The following CDKAL1 variants were observed in gnomAD, a reference collection of about 807,000 sequenced individuals.
The protein encoded by CDKAL1 is threonylcarbamoyladenosine tRNA methylthiotransferase.
In CDKAL1, 32 loss-of-function variants were observed where a neutral mutation model predicts 68.2. The observed-to-expected ratio is 0.47, with a 90% confidence interval of 0.35 to 0.63. The LOEUF (loss-of-function observed/expected upper bound fraction) is 0.63, where lower values mean the gene tolerates loss of function less well. Ranked by LOEUF, CDKAL1 falls within the 30% of genes least tolerant of loss-of-function variation. CDKAL1 has a pLI of 0.00. For missense variants in CDKAL1, 606 were observed against 696.7 expected (o/e 0.87, Z 1.47); for synonymous variants, 234 against 244.3 (o/e 0.96, Z 0.39).
intron 10 of CDKAL1, among the ~76,000 whole-genome samples, chr6:20,980,352 C>T (rs2150772720): frequency 6.6e-6 from 1 of 152,228 alleles, no homozygotes; most frequent in East Asian, 1.9e-4. Flanking sequence ...ATTCTCCTGC[C>T]TCAGCCTCCA....
chr6:20,921,092 C>T (rs535216376), intron 9 of CDKAL1, among the ~76,000 whole-genome samples: 74 of 152,158 alleles, frequency 4.9e-4, no homozygotes, highest in Middle Eastern at 3.4e-3. Flanking sequence ...ATCTTTGAGC[C>T]GTACACACCC....
At chr6:21,122,507 T>C (rs1407425813) in intron 13 of CDKAL1, among the ~76,000 whole-genome samples, 1 of 152,228 alleles carries the variant, frequency 6.6e-6, no homozygotes, top group Non-Finnish European at 1.5e-5. Context: ...CTTGGCTTTA[T>C]AGACTTTGCT....
chr6:20,726,543 A>G (rs1004324031), intron 5 of CDKAL1, among the ~76,000 whole-genome samples: 1 of 152,236 alleles, frequency 6.6e-6, no homozygotes, highest in Non-Finnish European at 1.5e-5. Flanking sequence ...ACACAAAAAT[A>G]CCATTGAACC....
chr6:20,970,505 T>G (rs767257264), intron 10 of CDKAL1, among the ~76,000 whole-genome samples: 4 of 152,176 alleles, frequency 2.6e-5, no homozygotes, highest in African/African-American at 4.8e-5. Flanking sequence ...CAATAAAAAT[T>G]TATGCCTGAA....
intron 12 of CDKAL1, among the ~76,000 whole-genome samples, 170 bp downstream of exon 12, chr6:21,065,398 C>T (rs1329119718): frequency 6.6e-6 from 1 of 151,954 alleles, no homozygotes; most frequent in African/African-American, 2.4e-5. Context: ...GTTAAATGAC[C>T]TTAGGCAACT....
intron 7 of CDKAL1, among the ~76,000 whole-genome samples, chr6:20,779,212 T>C (rs1314701590): frequency 6.6e-6 from 1 of 152,252 alleles, no homozygotes; most frequent in Non-Finnish European, 1.5e-5. Flanking sequence ...ATGGTATGAC[T>C]GCTTTCGTAA....
intron 15 of CDKAL1, among the ~76,000 whole-genome samples, chr6:21,223,547 A>T (rs1339991730): frequency 6.6e-6 from 1 of 152,182 alleles, no homozygotes; most frequent in Non-Finnish European, 1.5e-5. Context: ...AATATTTTGT[A>T]TGAGAAGGAA....
Position 20,756,899 on chromosome 6 carries a change from CCTTCCTT to C in CDKAL1, c.469-1694_469-1688del, listed in dbSNP as rs1203180866. On this transcript the variant is annotated intron_variant, in intron 6 of 15. Coordinates refer to ENST00000274695, the MANE Select transcript of CDKAL1 (RefSeq NM_017774.3). Reference sequence around the variant, plus strand: ...TCCTTCCTTCCTTCCTTCCTTCCTTCCTTCCTTCCTTCCTTCCTTCCTTCCCTCCTTC... The same window carrying C: ...TCCTTCCTTCCTTCCTTCCTTCCTTCCCTTCCTTCCTTCCTTCCCTCCTTC... The C allele has an allele frequency of 1.7e-4, 18 of 103,640 alleles. 1 individual carries two copies. Among genetic ancestry groups the C allele is most frequent in the African/African-American group, 3.9e-4 (11 of 27,958 alleles). The allele number at this position is 103,640 out of a possible 1,614,324, so 6.4% of individuals were successfully genotyped here.
At chr6:20,944,676 G>A (rs539001737) in intron 9 of CDKAL1, among the ~76,000 whole-genome samples, 3 of 152,270 alleles carry the variant, frequency 2.0e-5, no homozygotes, top group East Asian at 1.9e-4. Context: ...TCATCAGTAC[G>A]GTCAGAGTCA....
At chr6:20,556,949 A>C (rs1271476036) in intron 4 of CDKAL1, among the ~76,000 whole-genome samples, 2 of 151,646 alleles carry the variant, frequency 1.3e-5, no homozygotes, top group Non-Finnish European at 2.9e-5. Flanking sequence ...GAGGCAGGAG[A>C]ATGGCGTGAA....
intron 10 of CDKAL1, among the ~76,000 whole-genome samples, chr6:20,959,015 A>C (rs1764921490): frequency 6.6e-6 from 1 of 152,232 alleles, no homozygotes; most frequent in African/African-American, 2.4e-5. Context: ...ATTTTATTCA[A>C]TCTCCATAGG....
At chr6:21,081,189 A>G (rs185672196) in intron 12 of CDKAL1, among the ~76,000 whole-genome samples, 26 of 152,284 alleles carry the variant, frequency 1.7e-4, no homozygotes, top group South Asian at 4.2e-4. Flanking sequence ...TCTTTTACGA[A>G]TTTGTAATTA....
At chr6:20,612,523 C>T (rs1302852528) in intron 4 of CDKAL1, among the ~76,000 whole-genome samples, 1 of 152,068 alleles carries the variant, frequency 6.6e-6, no homozygotes, top group East Asian at 1.9e-4. Context: ...AGCATTTTTC[C>T]ATATACCTGT....
chr6:21,120,521 T>G (rs1774654383), intron 13 of CDKAL1, among the ~76,000 whole-genome samples: 1 of 152,176 alleles, frequency 6.6e-6, no homozygotes. Flanking sequence ...TCAAGGAAAT[T>G]CTCCCTTTGT....
chr6:20,734,424 C>A (rs1773093791), intron 5 of CDKAL1, among the ~76,000 whole-genome samples: 4 of 152,028 alleles, frequency 2.6e-5, no homozygotes, highest in Admixed American at 2.6e-4. Context: ...AGGTATTATT[C>A]TTATCACCAT....
chr6:20,561,382 C>A (rs977621996), intron 4 of CDKAL1, among the ~76,000 whole-genome samples: 1 of 133,990 alleles, frequency 7.5e-6, no homozygotes, highest in African/African-American at 2.8e-5. Context: ...GTGGAGATTG[C>A]AGTGAGCTGA....
Position 20,741,486 on chromosome 6 carries a change from G to T in CDKAL1, c.468+1871G>T, listed in dbSNP as rs144280301. On this transcript the variant is annotated intron_variant, in intron 6 of 15. Transcript: ENST00000274695. Reference sequence around the variant, plus strand: ...TCTTCCCACTCACTACCCTCCAATAGGCCCCAGTGTGGTGTTACCGCCAAT... The same window carrying T: ...TCTTCCCACTCACTACCCTCCAATATGCCCCAGTGTGGTGTTACCGCCAAT... 2.1e-4 allele frequency among the ~76,000 whole-genome samples: 32 copies of T among 151,930 alleles called. No individual in the cohort carries two copies. In the East Asian group the frequency reaches 6.2e-3, roughly 30 times the overall value.
chr6:21,073,887 T>G (rs528856804), intron 12 of CDKAL1, among the ~76,000 whole-genome samples: 1 of 152,190 alleles, frequency 6.6e-6, no homozygotes, highest in Non-Finnish European at 1.5e-5. Flanking sequence ...TTTTTCAACT[T>G]TCCACTGCAC....
At chr6:20,909,946 T>C (rs1762395111) in intron 9 of CDKAL1, among the ~76,000 whole-genome samples, 1 of 152,214 alleles carries the variant, frequency 6.6e-6, no homozygotes, top group African/African-American at 2.4e-5. Context: ...TTAAATCCAC[T>C]TTCACCTCCC....
Sources: gnomAD v4.1 joint callset for allele counts (sites outside exome capture counted in the v4.1 genomes callset) on GRCh38, gnomAD v4.1.1 for gene constraint, MANE v1.5 for transcripts, NCBI Gene and HGNC (gene_info 2026-07-23, HGNC 2026-07-21) for gene names.